Variants in ROBO2 observed in about 807,000 individuals in gnomAD.
The protein encoded by ROBO2 is roundabout guidance receptor 2.
A neutral mutation model predicts 160.8 loss-of-function variants in ROBO2; 53 were observed. That is an observed-to-expected ratio of 0.33 (90% CI 0.26 to 0.41). The LOEUF is 0.41. Among genes scored for constraint, ROBO2 ranks in the 10% least tolerant of loss-of-function variants. ROBO2 has a pLI of 1.00. For synonymous variants in ROBO2, 664 were observed against 611.7 expected, an observed-to-expected ratio of 1.09 and a Z score of -1.26; for missense variants, 1,577 against 1,722.4, an observed-to-expected ratio of 0.92 and a Z score of 1.49.
At chr3:76,798,341 T>TAA (rs2063933931) in intron 2 of ROBO2, among the ~76,000 whole-genome samples, 1 of 149,092 alleles carries the variant, frequency 6.7e-6, no homozygotes. Context: ...TAAAGGCCAA[T>TAA]ATTTATGTTG....
At chr3:76,982,383 C>T (rs74595876) in intron 2 of ROBO2, among the ~76,000 whole-genome samples, 1,953 of 152,180 alleles carry the variant, frequency 0.013, 41 homozygotes, top group African/African-American at 0.044. Flanking sequence ...CAATTGACTG[C>T]GATGTAGGGT....
chr3:76,471,353 A>G (rs2078646754), intron 2 of ROBO2, among the ~76,000 whole-genome samples: 1 of 152,112 alleles, frequency 6.6e-6, no homozygotes, highest in Non-Finnish European at 1.5e-5. Flanking sequence ...CTGTATATGT[A>G]TCCCTTCATT....
intron 2 of ROBO2, among the ~76,000 whole-genome samples, chr3:77,453,359 G>A (rs1431784779): frequency 6.7e-6 from 1 of 149,060 alleles, no homozygotes; most frequent in African/African-American, 2.5e-5. Flanking sequence ...ATTCCTATTA[G>A]TCACAATTTT....
chr3:76,273,534 A>G (rs1707728157), intron 2 of ROBO2, among the ~76,000 whole-genome samples: 1 of 152,102 alleles, frequency 6.6e-6, no homozygotes, highest in Non-Finnish European at 1.5e-5. Flanking sequence ...ACTTACAGTC[A>G]TGGTGGAAAG....
chr3:76,687,180 G>A (rs2092703084), intron 2 of ROBO2, among the ~76,000 whole-genome samples: 1 of 152,042 alleles, frequency 6.6e-6, no homozygotes, highest in African/African-American at 2.4e-5. Context: ...TTTAGAGCCT[G>A]TATTATTGAT....
intron 23 of ROBO2, 131 bp from the exon 25 acceptor site, chr3:77,634,739 A>G: frequency 2.3e-6 from 2 of 887,186 alleles, no homozygotes; most frequent in Non-Finnish European, 3.7e-6. Flanking sequence ...ACAGAGATGC[A>G]CCAATATTTG....
chr3:77,550,683 A>C, intron 7 of ROBO2, 135 bp from the exon 9 acceptor site: 1 of 919,150 alleles, frequency 1.1e-6, no homozygotes, highest in East Asian at 2.6e-5. Flanking sequence ...TGGCATTTAA[A>C]CATTTCTGAA....
intron 2 of ROBO2, among the ~76,000 whole-genome samples, chr3:76,323,219 T>C (rs1467835482): frequency 6.6e-6 from 1 of 151,600 alleles, no homozygotes; most frequent in African/African-American, 2.4e-5. Context: ...ATTTCTTGTG[T>C]GCCAGCATTG....
intron 21 of ROBO2, among the ~76,000 whole-genome samples, chr3:77,612,086 G>A (rs1395797349): frequency 6.6e-6 from 1 of 152,128 alleles, no homozygotes; most frequent in Non-Finnish European, 1.5e-5. Flanking sequence ...ATCATTAGTT[G>A]CCAGGCAAGA....
chr3:76,326,780 C>G (rs1335390740), intron 2 of ROBO2, among the ~76,000 whole-genome samples: 1 of 111,430 alleles, frequency 9.0e-6, no homozygotes, highest in Admixed American at 1.0e-4. Flanking sequence ...TCCCCCCACC[C>G]CACAGCAGTC....
intron 2 of ROBO2, among the ~76,000 whole-genome samples, chr3:76,862,204 T>A (rs1364139518): frequency 6.6e-6 from 1 of 152,234 alleles, no homozygotes; most frequent in Middle Eastern, 3.4e-3. Context: ...TTCTCTTACA[T>A]CTTATTACCC....
intron 25 of ROBO2, among the ~76,000 whole-genome samples, chr3:77,645,279 G>C (rs2095401486): frequency 6.6e-6 from 1 of 152,090 alleles, no homozygotes; most frequent in Non-Finnish European, 1.5e-5. Flanking sequence ...CCTAAGGAAT[G>C]CTTCATTTTC....
rs77370956 is a variant in ROBO2 at position 76,124,367 on chromosome 3, T to C, written c.109+186765T>C. Among the ~76,000 whole-genome samples the C allele has an allele frequency of 2.6e-4, 39 of 152,236 alleles. 1 individual carries two copies. In the East Asian group the frequency reaches 7.0e-3, roughly 27 times the overall value. ...ATCTCATTATGACTCTATCTAGTAC[T>C]CTATACTCCTTATATGCCCTAAAGT... is the stretch of plus-strand genomic sequence containing the variant. On this transcript the variant is annotated intron_variant, in intron 2 of 26. Transcript: ENST00000487694.
intron 2 of ROBO2, among the ~76,000 whole-genome samples, chr3:76,655,655 AAG>A (rs1216698857): frequency 6.8e-6 from 1 of 147,410 alleles, no homozygotes; most frequent in Non-Finnish European, 1.5e-5. Flanking sequence ...AAAAAAGAGA[AAG>A]AAGAAAAAAA....
intron 2 of ROBO2, among the ~76,000 whole-genome samples, chr3:77,381,079 G>A (rs1478230896): frequency 1.3e-5 from 2 of 152,178 alleles, no homozygotes; most frequent in African/African-American, 2.4e-5. Flanking sequence ...ACTTTGGGAG[G>A]CCTAGGCGGG....
intron 2 of ROBO2, among the ~76,000 whole-genome samples, chr3:77,278,955 C>G (rs1054080546): frequency 1.3e-5 from 2 of 152,082 alleles, no homozygotes. Flanking sequence ...TAACCGCTTA[C>G]TAAATCATCA....
rs2061755764 is a variant in ROBO2, at chr3:77,009,554, T to A, written c.110-88460T>A. On this transcript the variant is annotated intron_variant, in intron 2 of 26. Transcript: ENST00000487694. ...GATGTTCATAACATTTTCTCACAGC[T>A]GGTCTTCATAATTTTATATGTTGTT... 2.0e-5 allele frequency among the ~76,000 whole-genome samples: 3 copies of A among 152,184 alleles called. No individual in the cohort carries two copies. In the South Asian group the frequency reaches 6.2e-4, roughly 32 times the overall value.
intron 23 of ROBO2, among the ~76,000 whole-genome samples, chr3:77,622,924 G>T (rs1026784586): frequency 1.3e-5 from 2 of 152,130 alleles, no homozygotes; most frequent in African/African-American, 4.8e-5. Context: ...TGTGTAGTGA[G>T]ATAAACCATA....
At chr3:76,658,113 T>A (rs574318206) in intron 2 of ROBO2, among the ~76,000 whole-genome samples, 51 of 129,612 alleles carry the variant, frequency 3.9e-4, no homozygotes, top group African/African-American at 1.2e-3. Context: ...AATAAATAAA[T>A]AAAATATGTT....
Sources: allele counts gnomAD v4.1 joint callset (sites outside exome capture counted in the v4.1 genomes callset), GRCh38; gene constraint gnomAD v4.1.1; transcripts MANE v1.5; gene names NCBI Gene and HGNC (gene_info 2026-07-23, HGNC 2026-07-21).